The following POU6F2 variants were observed in gnomAD, a reference collection of about 807,000 sequenced individuals.
The protein encoded by POU6F2 is POU domain, class 6, transcription factor 2.
A neutral mutation model predicts 71.3 loss-of-function variants in POU6F2; 31 were observed. The observed-to-expected ratio is 0.43, with a 90% confidence interval of 0.33 to 0.59. The LOEUF (loss-of-function observed/expected upper bound fraction) is 0.59. POU6F2 is among the 20% of genes least tolerant of loss of function. The probability of loss-of-function intolerance (pLI) is 0.04; values close to 1 mark genes in which losing one functional copy is unlikely to be tolerated. For missense variants in POU6F2, 783 were observed against 856.8 expected, an observed-to-expected ratio of 0.91 and a Z score of 1.07; for synonymous variants, 347 against 355.7, an observed-to-expected ratio of 0.98 and a Z score of 0.27.
intron 1 of POU6F2, among the ~76,000 whole-genome samples, chr7:39,046,282 T>C (rs1341376250): frequency 6.6e-6 from 1 of 151,942 alleles, no homozygotes; most frequent in Non-Finnish European, 1.5e-5. Context: ...TAAATTTTTT[T>C]CTCATTTTTA....
At chr7:39,096,367 A>G (rs1433952330) in intron 2 of POU6F2, among the ~76,000 whole-genome samples, 7 of 152,158 alleles carry the variant, frequency 4.6e-5, no homozygotes, top group Admixed American at 3.9e-4. Context: ...TTTTCTAACA[A>G]TGAGCCACCC....
intron 5 of POU6F2, among the ~76,000 whole-genome samples, chr7:39,345,581 G>C (rs571841017): frequency 2.0e-4 from 31 of 152,284 alleles, no homozygotes; most frequent in Admixed American, 6.5e-4. Context: ...TCTTTTGGCT[G>C]ACATTTTTCA....
chr7:39,366,736 C>A (rs192497221), intron 5 of POU6F2, among the ~76,000 whole-genome samples: 85 of 152,182 alleles, frequency 5.6e-4, no homozygotes, highest in Admixed American at 2.4e-3. Flanking sequence ...AGGAGTTGGG[C>A]AACTTGGCTA....
chr7:39,181,157 C>G (rs77308399), intron 2 of POU6F2, among the ~76,000 whole-genome samples: 3 of 152,138 alleles, frequency 2.0e-5, no homozygotes, highest in Non-Finnish European at 4.4e-5. Context: ...ACTGTTCACT[C>G]GTGTCCACCC....
At chr7:39,301,173 G>A (rs1784942277) in intron 4 of POU6F2, among the ~76,000 whole-genome samples, 1 of 152,200 alleles carries the variant, frequency 6.6e-6, no homozygotes, top group African/African-American at 2.4e-5. Flanking sequence ...ATCCTGTAAA[G>A]CTAGAATTGA....
At chr7:38,981,379 A>G (rs146942470) in intron 1 of POU6F2, among the ~76,000 whole-genome samples, 3 of 152,186 alleles carry the variant, frequency 2.0e-5, no homozygotes, top group East Asian at 3.9e-4. Flanking sequence ...ACTGTGTCCA[A>G]TACTCCTTCT....
At chr7:39,259,150 T>G (rs1784084440) in intron 4 of POU6F2, among the ~76,000 whole-genome samples, 1 of 34,716 alleles carries the variant, frequency 2.9e-5, no homozygotes, top group Non-Finnish European at 6.9e-5. Context: ...ATTTAAAGAC[T>G]ATAGATATTA....
At chr7:39,431,961 G>A (rs1224094350) in intron 6 of POU6F2, among the ~76,000 whole-genome samples, 3 of 152,200 alleles carry the variant, frequency 2.0e-5, no homozygotes, top group Non-Finnish European at 2.9e-5. Context: ...TACCGTGTGT[G>A]GAGGCAGAAA....
intron 1 of POU6F2, among the ~76,000 whole-genome samples, chr7:39,005,890 G>T (rs1789051334): frequency 6.6e-6 from 1 of 152,162 alleles, no homozygotes; most frequent in Non-Finnish European, 1.5e-5. Context: ...GCAGTAAAAT[G>T]GACATTATGA....
chr7:39,239,901 G>A (rs968873516), intron 4 of POU6F2, among the ~76,000 whole-genome samples: 9 of 152,052 alleles, frequency 5.9e-5, no homozygotes, highest in Non-Finnish European at 8.8e-5. Flanking sequence ...CATAAAGGGG[G>A]CAAAGTCCTG....
chr7:39,199,371 C>T (rs1308982407), intron 2 of POU6F2, among the ~76,000 whole-genome samples: 1 of 152,146 alleles, frequency 6.6e-6, no homozygotes, highest in Non-Finnish European at 1.5e-5. Flanking sequence ...GAAGAGTCAA[C>T]TCCAAAAAGA....
intron 4 of POU6F2, among the ~76,000 whole-genome samples, chr7:39,217,910 C>G (rs181766873): frequency 1.3e-5 from 2 of 152,192 alleles, no homozygotes; most frequent in African/African-American, 4.8e-5. Context: ...TAGTATACTG[C>G]GTATTTAAGA....
At chr7:39,158,520 C>T (rs11770338) in intron 2 of POU6F2, among the ~76,000 whole-genome samples, 20,524 of 152,022 alleles carry the variant, frequency 0.14, 1,422 homozygotes, top group African/African-American at 0.15. Flanking sequence ...AGCGGGATAA[C>T]CAGGAAGGTC....
chr7:38,984,132 C>T lies in POU6F2; in HGVS notation c.105+6074C>T, dbSNP rs141934021. On this transcript the variant is annotated intron_variant, in intron 1 of 9. Transcript: ENST00000518318. ...CTTTCACCTATTTTCAGCCTTCCCC[C>T]GACCCAGGAGGTACATTTTTCCCAT... The T allele has an allele frequency of 1.8e-4, 27 of 152,144 alleles. 1 individual carries two copies. The East Asian group carries it at 4.4e-3, about 25-fold the overall frequency. 9.4% of individuals were successfully genotyped at this position (152,144 alleles called of 1,614,324 possible). A position where few individuals can be genotyped will look rare whatever the true frequency, so the allele number is the denominator to read the frequency against.
chr7:39,076,542 A>G (rs1791007746), intron 1 of POU6F2, among the ~76,000 whole-genome samples: 1 of 152,242 alleles, frequency 6.6e-6, no homozygotes, highest in South Asian at 2.1e-4. Flanking sequence ...AAAGAAAAAG[A>G]AAAAGAAAAT....
intron 1 of POU6F2, among the ~76,000 whole-genome samples, chr7:39,007,219 AT>A (rs1789099275): frequency 1.3e-5 from 2 of 152,154 alleles, no homozygotes; most frequent in African/African-American, 4.8e-5. Context: ...TTTATTTGCT[AT>A]TTTTATATTT....
At chr7:39,054,659 T>C (rs577566967) in intron 1 of POU6F2, among the ~76,000 whole-genome samples, 2 of 151,516 alleles carry the variant, frequency 1.3e-5, no homozygotes, top group Non-Finnish European at 2.9e-5. Flanking sequence ...TTGAGGAAGG[T>C]TGCTTAAACA....
intron 2 of POU6F2, among the ~76,000 whole-genome samples, chr7:39,141,127 G>T (rs920349285): frequency 6.6e-6 from 1 of 152,170 alleles, no homozygotes; most frequent in Non-Finnish European, 1.5e-5. Flanking sequence ...TCAGGGGGTT[G>T]TGTTCTGGCA....
chr7:38,985,063 A>C (rs1788427551), intron 1 of POU6F2: 1 of 152,116 alleles, frequency 6.6e-6, no homozygotes, highest in Non-Finnish European at 1.5e-5. Flanking sequence ...AGGATACCAG[A>C]AGCCGTAATT....
Sources: gnomAD v4.1 joint callset for allele counts (sites outside exome capture counted in the v4.1 genomes callset) on GRCh38, gnomAD v4.1.1 for gene constraint, MANE v1.5 for transcripts, NCBI Gene and HGNC (gene_info 2026-07-23, HGNC 2026-07-21) for gene names.